Variants in PCDHA5 observed in about 807,000 individuals in gnomAD.
PCDHA5 encodes the protein protocadherin alpha-5.
In PCDHA5, 43 loss-of-function variants were observed where a neutral mutation model predicts 61.6. That is an observed-to-expected ratio of 0.70 (90% CI 0.55 to 0.90). PCDHA5 has a LOEUF of 0.90. Ranked by LOEUF, PCDHA5 falls within the 40% of genes least tolerant of loss-of-function variation. PCDHA5 has a pLI of 0.00. For synonymous variants in PCDHA5, 627 were observed against 543.9 expected (o/e 1.15, Z -2.13); for missense variants, 1,298 against 1,222.7 (o/e 1.06, Z -0.92).
chr5:140,836,384 GTC>G (rs2150259463), intron 1 of PCDHA5: 11 of 1,613,636 alleles, frequency 6.8e-6, no homozygotes, highest in Non-Finnish European at 9.3e-6. Flanking sequence ...CCGTGCTGGT[GTC>G]GCTGGTGGAA....
rs782180931 is a variant in PCDHA5, at chr5:140,857,881, G to A, written c.2352+33754G>A. 6 of 1,597,644 alleles carry A rather than the reference G, an allele frequency of 3.8e-6. 1 individual carries two copies. In the African/African-American group the frequency reaches 8.1e-5, roughly 22 times the overall value. On this transcript the variant is annotated intron_variant, in intron 1 of 3. Coordinates refer to ENST00000529859, the MANE Select transcript of PCDHA5 (RefSeq NM_018908.3). ...ACGCGTGGCTGTCGTATGAATTGCAGTCGGCGGCGGTTGGTGCACGCATCC... is the reference window on the plus strand; with the variant it reads ...ACGCGTGGCTGTCGTATGAATTGCAATCGGCGGCGGTTGGTGCACGCATCC...
At chr5:140,867,805 T>C (rs1260432905) in intron 1 of PCDHA5, 1 of 152,150 alleles carries the variant, frequency 6.6e-6, no homozygotes. Flanking sequence ...GCATTTTCTA[T>C]GAAATTCCAT....
intron 1 of PCDHA5, among the ~76,000 whole-genome samples, chr5:140,905,373 G>A (rs556428182): frequency 6.6e-6 from 1 of 152,118 alleles, no homozygotes; most frequent in East Asian, 1.9e-4. Context: ...CTGGTTCTCT[G>A]TTCTGTTTCA....
Position 140,822,247 on chromosome 5 carries a change from G to T in PCDHA5, c.472G>T (p.Asp158Tyr), listed in dbSNP as rs1383794948. Residue 158 changes from aspartate to tyrosine, a missense_variant, in exon 1 of 4, where the codon GAT becomes TAT. Asp to Tyr is a radical substitution (Grantham distance 160, BLOSUM62 -3). Coordinates refer to ENST00000529859, the MANE Select transcript of PCDHA5 (RefSeq NM_018908.3). ...GCGGTTTCCGCTAGAGGGCGCGTCGGATTTGGATATTGGAGCAAATGCACA... is the reference window on the plus strand; with the variant it reads ...GCGGTTTCCGCTAGAGGGCGCGTCGTATTTGGATATTGGAGCAAATGCACA... Reference protein sequence around the residue: ...DSRFPLEGASDLDIGANAQLR... With the variant: ...DSRFPLEGASYLDIGANAQLR... The T allele has an allele frequency of 6.2e-7, 1 of 1,614,236 alleles. No individual in the cohort carries two copies. Among genetic ancestry groups the T allele is most frequent in the East Asian group, 2.2e-5 (1 of 44,890 alleles).
intron 3 of PCDHA5, among the ~76,000 whole-genome samples, chr5:141,004,121 C>T (rs1250923202): frequency 6.6e-6 from 1 of 152,230 alleles, no homozygotes; most frequent in Non-Finnish European, 1.5e-5. Flanking sequence ...AAGGGAGTAT[C>T]TCCATGATTC....
At chr5:140,958,652 G>A (rs991773774) in intron 1 of PCDHA5, among the ~76,000 whole-genome samples, 15 of 152,030 alleles carry the variant, frequency 9.9e-5, no homozygotes, top group Admixed American at 2.6e-4. Flanking sequence ...ATCACAGAAA[G>A]CTATGATGAA....
intron 1 of PCDHA5, among the ~76,000 whole-genome samples, chr5:140,964,473 T>C (rs1457345251): frequency 6.6e-6 from 1 of 152,068 alleles, no homozygotes; most frequent in Non-Finnish European, 1.5e-5. Flanking sequence ...TGCCTATGAT[T>C]TTTTCACAGT....
At chr5:140,842,073 T>C (rs2150328918) in intron 1 of PCDHA5, 1 of 1,613,862 alleles carries the variant, frequency 6.2e-7, no homozygotes, top group Non-Finnish European at 8.5e-7. Flanking sequence ...GAAGTAAGAA[T>C]ATTCGAAAAC....
chr5:140,857,560 G>C, intron 1 of PCDHA5: 1 of 1,596,914 alleles, frequency 6.3e-7, no homozygotes, highest in Non-Finnish European at 8.6e-7. Flanking sequence ...GCTCGCTGTC[G>C]AGCTACGTGT....
chr5:140,884,811 T>C (rs782097563), intron 1 of PCDHA5: 155 of 1,119,034 alleles, frequency 1.4e-4, no homozygotes, highest in Non-Finnish European at 1.9e-4. Context: ...AACTCTGCTG[T>C]GGACATTATG....
At chr5:140,842,099 A>G (rs1554138785) in intron 1 of PCDHA5, 1 of 1,613,876 alleles carries the variant, frequency 6.2e-7, no homozygotes, top group Non-Finnish European at 8.5e-7. Flanking sequence ...CAACGGAACA[A>G]CAGTTATCAA....
intron 1 of PCDHA5, chr5:140,849,388 T>G: frequency 6.5e-7 from 1 of 1,533,538 alleles, no homozygotes; most frequent in Non-Finnish European, 8.9e-7. Context: ...ATGGACCCCT[T>G]AAGTGGGGCA....
At chr5:140,997,510 C>T (rs536611731) in intron 3 of PCDHA5, among the ~76,000 whole-genome samples, 60 of 152,102 alleles carry the variant, frequency 3.9e-4, no homozygotes, top group Non-Finnish European at 6.9e-4. Context: ...CATACCTAAA[C>T]GCAGAAAAAG....
chr5:140,835,044 G>A lies in PCDHA5; in HGVS notation c.2352+10917G>A, dbSNP rs1554134705. ...CACGGCCACCGATGGAGGCAAACCC[G>A]AGCTGACTGGCACCGTTCAATTACT... On this transcript the variant is annotated intron_variant, in intron 1 of 3. Transcript: ENST00000529859. The A allele has an allele frequency of 1.7e-5, 21 of 1,263,874 alleles. 1 individual carries two copies. The highest frequency in any genetic ancestry group is 1.9e-5 in the Non-Finnish European group (18 of 927,706). 78.3% of individuals were successfully genotyped at this position (1,263,874 alleles called of 1,614,324 possible). A position where few individuals can be genotyped will look rare whatever the true frequency, so the allele number is the denominator to read the frequency against.
intron 1 of PCDHA5, among the ~76,000 whole-genome samples, chr5:140,886,239 T>C (rs2060904240): frequency 6.6e-6 from 1 of 152,062 alleles, no homozygotes; most frequent in African/African-American, 2.4e-5. Flanking sequence ...ACTTCAGAAA[T>C]AAATAAAAGT....
intron 3 of PCDHA5, among the ~76,000 whole-genome samples, chr5:141,006,902 A>T (rs1563704110): frequency 6.6e-6 from 1 of 152,218 alleles, no homozygotes; most frequent in Non-Finnish European, 1.5e-5. Context: ...AGATTTCTTC[A>T]GTTTGGGATG....
chr5:140,828,648 G>C (rs1769869572), intron 1 of PCDHA5: 1 of 1,614,194 alleles, frequency 6.2e-7, no homozygotes, highest in Non-Finnish European at 8.5e-7. Flanking sequence ...AAAATAAACA[G>C]TGATGACAAT....
chr5:140,868,748 T>C (rs991826043), intron 1 of PCDHA5: 2 of 213,606 alleles, frequency 9.4e-6, no homozygotes, highest in Non-Finnish European at 1.9e-5. Context: ...ACAATGCCAT[T>C]TCCATATATA....
chr5:140,969,506 G>T, intron 1 of PCDHA5: 1 of 1,427,058 alleles, frequency 7.0e-7, no homozygotes, highest in Non-Finnish European at 9.3e-7. Flanking sequence ...TAGAAAAATA[G>T]CACTAAAGAA....
Sources: gnomAD v4.1 joint callset for allele counts (sites outside exome capture counted in the v4.1 genomes callset) on GRCh38, gnomAD v4.1.1 for gene constraint, MANE v1.5 for transcripts, NCBI Gene and HGNC (gene_info 2026-07-23, HGNC 2026-07-21) for gene names.